OTOG: variants seen among roughly 807,000 people sequenced by gnomAD.
OTOG encodes the protein otogelin.
A neutral mutation model predicts 313.8 loss-of-function variants in OTOG; 296 were observed. The observed-to-expected ratio is 0.94, with a 90% CI of 0.86 to 1.04. OTOG has a LOEUF of 1.04. OTOG is among the 50% of genes least tolerant of loss of function. OTOG has a pLI of 0.00. For missense variants in OTOG, 3,948 were observed against 3,840.1 expected (o/e 1.03, Z -0.74); for synonymous variants, 1,533 against 1,554.9 (o/e 0.99, Z 0.33).
chr11:17,628,683 A>C (rs909241360), intron 39 of OTOG, among the ~76,000 whole-genome samples: 1 of 152,226 alleles, frequency 6.6e-6, no homozygotes, highest in East Asian at 1.9e-4. Context: ...AATGGCCAGC[A>C]CAGAGATGAG....
intron 1 of OTOG, 84 bp downstream of exon 1, chr11:17,547,550 GGA>G: frequency 3.9e-6 from 5 of 1,273,122 alleles, no homozygotes; most frequent in Non-Finnish European, 4.9e-6. Flanking sequence ...CGCGCAGGTT[GGA>G]GAGAGGGAGG....
Position 17,637,227 on chromosome 11 carries a change from T to TC in OTOG, c.7796-1223dup, listed in dbSNP as rs1179378862. Among the ~76,000 whole-genome samples the TC allele has an allele frequency of 7.2e-5, 11 of 152,292 alleles. No individual in the cohort carries two copies. In the East Asian group the frequency reaches 1.9e-3, roughly 27 times the overall value. ...CAAAATCAGCTCATCCTGGACATAC[T>TC]CTTTTTTTTTAAACTGGCTGTTTTC... On this transcript the variant is annotated intron_variant, in intron 47 of 55. Coordinates refer to ENST00000399397, the MANE Select transcript of OTOG (RefSeq NM_001292063.2).
chr11:17,614,008 T>G (rs1001518135), intron 39 of OTOG, among the ~76,000 whole-genome samples: 6 of 152,160 alleles, frequency 3.9e-5, no homozygotes, highest in African/African-American at 7.2e-5. Context: ...ATCTCACTTT[T>G]GCAATTTTCA....
chr11:17,552,621 A>ACCTGTCCTGTGTCTCCCACC (rs1851968645), intron 4 of OTOG, among the ~76,000 whole-genome samples: 1 of 34,588 alleles, frequency 2.9e-5, no homozygotes, highest in African/African-American at 3.4e-4. Flanking sequence ...GTCCTCTCAC[A>ACCTGTCCTGTGTCTCCCACC]TCATGGCTCC....
Position 17,640,907 on chromosome 11 carries a change from A to T in OTOG, c.8012-6A>T, listed in dbSNP as rs1740442726. 3 of 1,548,686 alleles carry T rather than the reference A, an allele frequency of 1.9e-6. No homozygotes were observed. The South Asian group carries it at 3.6e-5, about 18-fold the overall frequency. On this transcript the variant is annotated splice_polypyrimidine_tract_variant and splice_region_variant and intron_variant, in intron 50 of 55. Transcript: ENST00000399397. ...ATGACTGTTGCCGCCCTGCATGCCC[A>T]TCCAGTGAAGGCCCCGGTGTGTCTG... is the stretch of plus-strand genomic sequence containing the variant.
At chr11:17,580,450 AG>A (rs956554889) in intron 23 of OTOG, among the ~76,000 whole-genome samples, 4 of 152,244 alleles carry the variant, frequency 2.6e-5, no homozygotes, top group African/African-American at 7.2e-5. Flanking sequence ...TGGAGTGAGA[AG>A]GTCCCCTACA....
chr11:17,636,671 C>T (rs1196837087), intron 47 of OTOG, among the ~76,000 whole-genome samples: 1 of 152,114 alleles, frequency 6.6e-6, no homozygotes, highest in East Asian at 1.9e-4. Context: ...CTTTCTCCTT[C>T]TCTTCTGTCT....
chr11:17,576,796 T>C, intron 21 of OTOG, 72 bp from the exon 22 acceptor site: 1 of 1,526,628 alleles, frequency 6.6e-7, no homozygotes, highest in Non-Finnish European at 8.9e-7. Flanking sequence ...GTGACCCGAG[T>C]GCAGCAACAT....
chr11:17,595,408 AT>A (rs1334799886), intron 28 of OTOG, among the ~76,000 whole-genome samples: 1 of 152,230 alleles, frequency 6.6e-6, no homozygotes, highest in Non-Finnish European at 1.5e-5. Flanking sequence ...CTACTGCTAT[AT>A]AAAAATTTTA....
intron 24 of OTOG, among the ~76,000 whole-genome samples, chr11:17,588,879 C>T (rs960888863): frequency 2.0e-5 from 3 of 152,134 alleles, no homozygotes; most frequent in South Asian, 2.1e-4. Flanking sequence ...CTTTCTACTC[C>T]ACTCCCTCTC....
At chr11:17,599,960 C>T in intron 31 of OTOG, among the ~76,000 whole-genome samples, 1 of 152,222 alleles carries the variant, frequency 6.6e-6, no homozygotes, top group East Asian at 1.9e-4. Context: ...GCAGGGCAGC[C>T]CCACCAGGAA....
intron 30 of OTOG, among the ~76,000 whole-genome samples, chr11:17,599,363 G>T (rs1381205377): frequency 6.6e-6 from 1 of 152,138 alleles, no homozygotes; most frequent in Non-Finnish European, 1.5e-5. Context: ...CTGCTCTTTG[G>T]CGCCACACAA....
chr11:17,609,490 C>T (rs1397897401), intron 35 of OTOG, among the ~76,000 whole-genome samples, 165 bp from the exon 36 acceptor site: 5 of 152,026 alleles, frequency 3.3e-5, no homozygotes, highest in Admixed American at 1.3e-4. Flanking sequence ...CAGGGTCTGA[C>T]GTCTGGGGCG....
chr11:17,552,052 A>T lies in OTOG; in HGVS notation c.269A>T (p.His90Leu). ...VAMSSWERRL[H>L]RAKCAPSYLF... is the part of the protein sequence containing the mutation. ...ATGTCTTCCTGGGAAAGGCGGCTCC[A>T]TCGGGCCAAGTGTGCACCATCCTGT... is the stretch of plus-strand genomic sequence containing the variant. Residue 90 changes from histidine to leucine, a missense_variant, in exon 4 of 56, where the codon CAT (histidine) becomes CTT (leucine). His to Leu is a moderately conservative substitution (Grantham distance 99, BLOSUM62 -3). Transcript: ENST00000399397. The T allele has an allele frequency of 6.4e-7, 1 of 1,550,528 alleles. No individual in the cohort carries two copies. Among genetic ancestry groups the T allele is most frequent in the Non-Finnish European group, 8.7e-7 (1 of 1,146,908 alleles).
chr11:17,583,030 TC>T (rs1852709565), intron 23 of OTOG, among the ~76,000 whole-genome samples: 1 of 152,008 alleles, frequency 6.6e-6, no homozygotes, highest in South Asian at 2.1e-4. Flanking sequence ...GTCTAATTTA[TC>T]ATTTTTTTCT....
At chr11:17,636,606 G>T (rs1021571280) in intron 47 of OTOG, among the ~76,000 whole-genome samples, 2 of 152,168 alleles carry the variant, frequency 1.3e-5, no homozygotes, top group East Asian at 1.9e-4. Context: ...CCAGGAGCTT[G>T]TTGGCCCACT....
chr11:17,635,260 G>A, intron 46 of OTOG, 73 bp downstream of exon 46: 1 of 1,269,232 alleles, frequency 7.9e-7, no homozygotes, highest in South Asian at 1.4e-5. Context: ...TGTGTCCTTG[G>A]GCAGCTGGGA....
At chr11:17,590,923 C>T (rs1217646859) in intron 24 of OTOG, among the ~76,000 whole-genome samples, 2 of 152,238 alleles carry the variant, frequency 1.3e-5, no homozygotes, top group Non-Finnish European at 2.9e-5. Flanking sequence ...ACCCACTCCA[C>T]CCACATTCCC....
intron 18 of OTOG, 44 bp from the exon 19 acceptor site, chr11:17,573,034 G>T: frequency 6.7e-7 from 1 of 1,482,306 alleles, no homozygotes; most frequent in South Asian, 1.3e-5. Flanking sequence ...ACACCAGGTA[G>T]ACCGACTCCC....
Sources: gnomAD v4.1 joint callset for allele counts (sites outside exome capture counted in the v4.1 genomes callset) on GRCh38, gnomAD v4.1.1 for gene constraint, MANE v1.5 for transcripts, NCBI Gene and HGNC (gene_info 2026-07-23, HGNC 2026-07-21) for gene names.